Variants in KCNIP4 observed in about 807,000 individuals in gnomAD.
KCNIP4 encodes Kv channel-interacting protein 4.
A neutral mutation model predicts 34.0 loss-of-function variants in KCNIP4; 12 were observed. The observed-to-expected ratio is 0.35, with a 90% CI of 0.23 to 0.57. The LOEUF (loss-of-function observed/expected upper bound fraction) is 0.57. Among genes scored for constraint, KCNIP4 ranks in the 20% least tolerant of loss-of-function variants. KCNIP4 has a pLI of 0.83. For missense variants in KCNIP4, 238 were observed against 311.7 expected, an observed-to-expected ratio of 0.76 and a Z score of 1.78; for synonymous variants, 124 against 102.2, an observed-to-expected ratio of 1.21 and a Z score of -1.29.
chr4:21,733,145 T>C (rs1009627131), intron 1 of KCNIP4, among the ~76,000 whole-genome samples: 3 of 152,202 alleles, frequency 2.0e-5, no homozygotes, highest in Non-Finnish European at 4.4e-5. Flanking sequence ...TTGTGTTTTA[T>C]ACTTCTCTTC....
chr4:21,346,059 C>T (rs983083690), intron 1 of KCNIP4, among the ~76,000 whole-genome samples: 3 of 133,450 alleles, frequency 2.2e-5, no homozygotes, highest in East Asian at 5.5e-4. Context: ...AAGCCCAACT[C>T]GGGCAGTGTA....
At chr4:21,759,693 C>T in intron 1 of KCNIP4, among the ~76,000 whole-genome samples, 1 of 152,060 alleles carries the variant, frequency 6.6e-6, no homozygotes, top group East Asian at 1.9e-4. Flanking sequence ...GACTTCAGGG[C>T]AGTCTGAAGT....
At chr4:21,893,099 G>A (rs974147695) in intron 1 of KCNIP4, among the ~76,000 whole-genome samples, 7 of 152,206 alleles carry the variant, frequency 4.6e-5, no homozygotes, top group Non-Finnish European at 8.8e-5. Context: ...AATATCTGAC[G>A]AGTAAGCAAG....
At chr4:21,070,388 A>G (rs1744783394) in intron 1 of KCNIP4, among the ~76,000 whole-genome samples, 1 of 139,106 alleles carries the variant, frequency 7.2e-6, no homozygotes, top group South Asian at 2.2e-4. Flanking sequence ...GTATGTTTAG[A>G]TTTTTTTTTT....
chr4:21,476,080 C>G (rs146673141), intron 1 of KCNIP4, among the ~76,000 whole-genome samples: 1 of 152,154 alleles, frequency 6.6e-6, no homozygotes, highest in Non-Finnish European at 1.5e-5. Flanking sequence ...AAAGGTGGCT[C>G]TCTGTAAGTA....
intron 1 of KCNIP4, among the ~76,000 whole-genome samples, chr4:21,916,342 T>G (rs1022216336): frequency 1.3e-5 from 2 of 152,232 alleles, no homozygotes; most frequent in African/African-American, 2.4e-5. Flanking sequence ...TTACTTTTTA[T>G]GCAATGACAT....
chr4:20,735,516 GTGTTTTTTTTTT>G (rs1291414774), intron 5 of KCNIP4, among the ~76,000 whole-genome samples: 5 of 134,782 alleles, frequency 3.7e-5, no homozygotes, highest in African/African-American at 1.1e-4. Context: ...AATTCATTTA[GTGTTTTTTTTTT>G]TGTTTTTTTT....
intron 1 of KCNIP4, among the ~76,000 whole-genome samples, chr4:21,709,113 T>C (rs1713513688): frequency 6.6e-6 from 1 of 152,128 alleles, no homozygotes. Flanking sequence ...TCTCATTCTG[T>C]TGTGAGGTGA....
intron 5 of KCNIP4, among the ~76,000 whole-genome samples, chr4:20,740,950 C>T (rs1424483366): frequency 3.3e-5 from 5 of 151,918 alleles, no homozygotes; most frequent in Non-Finnish European, 5.9e-5. Context: ...GACATTAAAC[C>T]AACAAAGATC....
intron 1 of KCNIP4, among the ~76,000 whole-genome samples, chr4:21,896,168 A>C (rs1727373923): frequency 6.6e-6 from 1 of 152,210 alleles, no homozygotes; most frequent in Admixed American, 6.5e-5. Flanking sequence ...CTTACATATG[A>C]AATTTCACTA....
intron 1 of KCNIP4, among the ~76,000 whole-genome samples, chr4:21,795,802 T>C (rs1050681972): frequency 2.0e-5 from 3 of 152,194 alleles, no homozygotes; most frequent in African/African-American, 7.2e-5. Context: ...GTGTGGTGGC[T>C]CACGCCTGTA....
At chr4:20,733,998 C>T (rs965820141) in intron 6 of KCNIP4, among the ~76,000 whole-genome samples, 4 of 152,126 alleles carry the variant, frequency 2.6e-5, no homozygotes, top group Admixed American at 6.6e-5. Flanking sequence ...TCTCGTGAGG[C>T]AAAGAGAGAC....
At chr4:21,065,652 A>AGTG (rs1295737896) in intron 1 of KCNIP4, among the ~76,000 whole-genome samples, 1 of 148,582 alleles carries the variant, frequency 6.7e-6, no homozygotes, top group African/African-American at 2.5e-5. Context: ...AATATAATCC[A>AGTG]GTGGTTTAGT....
chr4:20,936,113 A>G (rs1731032082), intron 1 of KCNIP4, among the ~76,000 whole-genome samples: 1 of 152,198 alleles, frequency 6.6e-6, no homozygotes, highest in African/African-American at 2.4e-5. Flanking sequence ...ATTGGAGTTA[A>G]CAGTATCTAC....
intron 1 of KCNIP4, among the ~76,000 whole-genome samples, chr4:20,950,925 A>G (rs1431433725): frequency 1.3e-5 from 2 of 152,070 alleles, no homozygotes; most frequent in Non-Finnish European, 2.9e-5. Context: ...ATACCACTCT[A>G]AAGTTACGTG....
chr4:20,831,819 C>A (rs1718460416), intron 3 of KCNIP4, among the ~76,000 whole-genome samples: 1 of 152,164 alleles, frequency 6.6e-6, no homozygotes, highest in African/African-American at 2.4e-5. Flanking sequence ...CTTGATTCTG[C>A]TGCTGACAAG....
intron 1 of KCNIP4, among the ~76,000 whole-genome samples, chr4:21,788,193 A>G (rs1720034282): frequency 1.3e-5 from 2 of 152,168 alleles, no homozygotes; most frequent in African/African-American, 4.8e-5. Context: ...CCACAGAGCA[A>G]TTTCATATAA....
intron 1 of KCNIP4, among the ~76,000 whole-genome samples, chr4:21,547,654 G>A (rs938325655): frequency 1.3e-5 from 2 of 152,038 alleles, no homozygotes; most frequent in Admixed American, 6.6e-5. Context: ...GGAAGGCTAC[G>A]ATTTCTAAAC....
At chr4:21,815,692 G>A (rs1346899264) in intron 1 of KCNIP4, among the ~76,000 whole-genome samples, 1 of 152,108 alleles carries the variant, frequency 6.6e-6, no homozygotes, top group Non-Finnish European at 1.5e-5. Flanking sequence ...TCCTGTTTGT[G>A]AAGCTAATTT....
Sources: allele counts gnomAD v4.1 joint callset (sites outside exome capture counted in the v4.1 genomes callset), GRCh38; gene constraint gnomAD v4.1.1; transcripts MANE v1.5; gene names NCBI Gene and HGNC (gene_info 2026-07-23, HGNC 2026-07-21).